The following CALN1 variants were observed in gnomAD, a reference collection of about 807,000 sequenced individuals.
CALN1 encodes the protein calneuron 1.
CALN1 carries 17 observed loss-of-function variants against 30.6 expected under a neutral mutation model. That is an observed-to-expected ratio of 0.56 (90% CI 0.38 to 0.83). The LOEUF is 0.83. CALN1 is among the 40% of genes least tolerant of loss of function. The probability of loss-of-function intolerance (pLI) is 0.00; values close to 1 mark genes in which losing one functional copy is unlikely to be tolerated. For synonymous variants in CALN1, 156 were observed against 131.4 expected (o/e 1.19, Z -1.28); for missense variants, 291 against 354.9 (o/e 0.82, Z 1.45).
upstream of CALN1, among the ~76,000 whole-genome samples, chr7:72,451,249 A>G (rs1808655897): frequency 8.1e-6 from 1 of 123,272 alleles, no homozygotes; most frequent in Non-Finnish European, 1.7e-5. Context: ...GAGGAAGAGG[A>G]GGAAGAGGAG....
At chr7:71,992,371 T>G (rs1798999856) in intron 5 of CALN1, among the ~76,000 whole-genome samples, 1 of 152,190 alleles carries the variant, frequency 6.6e-6, no homozygotes, top group Non-Finnish European at 1.5e-5. Flanking sequence ...ACTATTATTT[T>G]TCTTAGAGAA....
chr7:72,416,127 T>G (rs1807412061), upstream of CALN1, among the ~76,000 whole-genome samples: 6 of 152,148 alleles, frequency 3.9e-5, no homozygotes, highest in South Asian at 1.2e-3. Context: ...CTGGCTAAAA[T>G]AGGGAAGAGG....
chr7:72,095,466 T>A (rs1806156257), intron 4 of CALN1, among the ~76,000 whole-genome samples: 1 of 152,194 alleles, frequency 6.6e-6, no homozygotes. Flanking sequence ...TAATGCTAAT[T>A]ATGCTTATTC....
At chr7:71,969,696 G>A (rs997688592) in intron 5 of CALN1, among the ~76,000 whole-genome samples, 9 of 152,188 alleles carry the variant, frequency 5.9e-5, no homozygotes, top group Admixed American at 2.0e-4. Flanking sequence ...AGAAGAGAAA[G>A]AGAGACAGTG....
chr7:71,818,132 T>C (rs761669212), intron 5 of CALN1, among the ~76,000 whole-genome samples: 1 of 152,144 alleles, frequency 6.6e-6, no homozygotes, highest in Non-Finnish European at 1.5e-5. Flanking sequence ...TCATTTGAAT[T>C]CAATGTGGTA....
At chr7:72,439,168 C>A (rs1163158601) in intron 1 of CALN1, among the ~76,000 whole-genome samples, 1 of 152,148 alleles carries the variant, frequency 6.6e-6, no homozygotes, top group African/African-American at 2.4e-5. Flanking sequence ...GTAGCTGTAA[C>A]TACAGGCACA....
intron 5 of CALN1, among the ~76,000 whole-genome samples, chr7:72,017,126 T>C (rs1208561044): frequency 7.0e-6 from 1 of 142,422 alleles, no homozygotes; most frequent in African/African-American, 2.7e-5. Flanking sequence ...ATGATGTAAC[T>C]GCACTCCTGC....
Position 72,277,148 on chromosome 7 carries a change from C to T in CALN1, c.244+1538G>A, listed in dbSNP as rs1307203301. Among the ~76,000 whole-genome samples, 8 of 151,676 alleles carry T rather than the reference C, an allele frequency of 5.3e-5. No individual in the cohort carries two copies. The East Asian group carries it at 1.5e-3, about 29-fold the overall frequency. On this transcript the variant is annotated intron_variant, in intron 3 of 6. Transcript: ENST00000395275. ...ATCTATGAATCAGAAAGTGGCCCTC[C>T]CCAGACATCAAATCTGCTGGCATCT... is the stretch of plus-strand genomic sequence containing the variant.
intron 4 of CALN1, among the ~76,000 whole-genome samples, chr7:72,059,651 A>C (rs1803511271): frequency 6.9e-6 from 1 of 144,662 alleles, no homozygotes. Context: ...CCACAGCAAA[A>C]GACTCATGAC....
At chr7:72,348,107 C>A (rs1047892971) in intron 2 of CALN1, among the ~76,000 whole-genome samples, 2 of 152,022 alleles carry the variant, frequency 1.3e-5, no homozygotes, top group African/African-American at 4.8e-5. Context: ...GACAACAGAG[C>A]GAGATTCTGT....
intron 5 of CALN1, among the ~76,000 whole-genome samples, chr7:71,988,763 G>A (rs928554064): frequency 3.9e-5 from 6 of 152,144 alleles, no homozygotes; most frequent in South Asian, 2.1e-4. Flanking sequence ...GATGCTTGCT[G>A]TTTCCATGTA....
intron 2 of CALN1, among the ~76,000 whole-genome samples, chr7:72,306,277 AT>A (rs1384722542): frequency 6.6e-6 from 1 of 152,186 alleles, no homozygotes; most frequent in Non-Finnish European, 1.5e-5. Flanking sequence ...ACATAGCTAG[AT>A]CTTTTTCTTC....
chr7:72,080,375 G>GT (rs1176995809), intron 4 of CALN1, among the ~76,000 whole-genome samples: 2 of 152,152 alleles, frequency 1.3e-5, no homozygotes, highest in African/African-American at 4.8e-5. Flanking sequence ...TGCAAAACCC[G>GT]TGTCACAGGG....
intron 5 of CALN1, among the ~76,000 whole-genome samples, chr7:71,843,180 T>C (rs1014375846): frequency 2.6e-5 from 4 of 152,206 alleles, no homozygotes; most frequent in Non-Finnish European, 4.4e-5. Context: ...CACTTCTCCT[T>C]TCCCCTCTTT....
At chr7:72,144,392 G>A (rs868164509) in intron 3 of CALN1, among the ~76,000 whole-genome samples, 3 of 152,124 alleles carry the variant, frequency 2.0e-5, no homozygotes, top group Non-Finnish European at 4.4e-5. Context: ...ATTACATAAT[G>A]GTAAAGGGAT....
At chr7:72,314,477 G>A (rs913148215) in intron 2 of CALN1, among the ~76,000 whole-genome samples, 3 of 149,542 alleles carry the variant, frequency 2.0e-5, no homozygotes, top group African/African-American at 7.4e-5. Flanking sequence ...AGGCTGTAGT[G>A]CAGTGGCACA....
intron 5 of CALN1, among the ~76,000 whole-genome samples, chr7:71,890,584 A>G (rs923787004): frequency 3.3e-5 from 5 of 152,012 alleles, no homozygotes; most frequent in African/African-American, 1.2e-4. Flanking sequence ...ATTATTAAGA[A>G]GAAAAAAAAT....
At chr7:72,109,226 C>T (rs1336575723) in intron 3 of CALN1, among the ~76,000 whole-genome samples, 1 of 152,096 alleles carries the variant, frequency 6.6e-6, no homozygotes, top group African/African-American at 2.4e-5. Context: ...TTGTGGGCCC[C>T]AGCAGAGAGA....
chr7:72,340,043 C>CTA (rs1366807245), intron 2 of CALN1, among the ~76,000 whole-genome samples: 4 of 152,154 alleles, frequency 2.6e-5, no homozygotes, highest in African/African-American at 9.7e-5. Flanking sequence ...TTAAACTGAT[C>CTA]GACTAGCACA....
Sources: allele counts gnomAD v4.1 joint callset (sites outside exome capture counted in the v4.1 genomes callset), GRCh38; gene constraint gnomAD v4.1.1; transcripts MANE v1.5; gene names NCBI Gene and HGNC (gene_info 2026-07-23, HGNC 2026-07-21).